Variants in SLC7A6OS observed in about 807,000 individuals in gnomAD.
SLC7A6OS encodes probable RNA polymerase II nuclear localization protein SLC7A6OS.
A neutral mutation model predicts 34.3 loss-of-function variants in SLC7A6OS; 22 were observed. The observed-to-expected ratio is 0.64, with a 90% CI of 0.46 to 0.92. The LOEUF (loss-of-function observed/expected upper bound fraction) is 0.92, where lower values mean the gene tolerates loss of function less well. SLC7A6OS is among the 40% of genes least tolerant of loss of function. SLC7A6OS has a pLI of 0.00. For missense variants in SLC7A6OS, 434 were observed against 407.7 expected (o/e 1.06, Z -0.56); for synonymous variants, 199 against 165.0 (o/e 1.21, Z -1.58).
In SLC7A6OS at chr16:68,310,717, C is replaced by T. The variant is rs758085797; in HGVS notation, c.192+18G>A. 29 of 1,594,188 alleles carry T rather than the reference C, an allele frequency of 1.8e-5. No homozygotes were observed. Among genetic ancestry groups the T allele is most frequent in the Non-Finnish European group, 2.4e-5 (28 of 1,166,566 alleles). The stretch of plus-strand genomic sequence containing the variant: ...CACCCGAAGATGCCCTCCACACCAG[C>T]TGCACCACGCCCAATACCTGGGAGC... On this transcript the variant is annotated intron_variant, in intron 1 of 4. Transcript: ENST00000263997.
At chr16:68,305,280 G>T (rs533032222) in intron 2 of SLC7A6OS, among the ~76,000 whole-genome samples, 1 of 152,254 alleles carries the variant, frequency 6.6e-6, no homozygotes, top group East Asian at 1.9e-4. Context: ...CTCTACCATT[G>T]CCCATCATTT....
intron 3 of SLC7A6OS, among the ~76,000 whole-genome samples, chr16:68,302,817 G>A (rs2043295058): frequency 1.3e-5 from 2 of 152,232 alleles, no homozygotes; most frequent in African/African-American, 4.8e-5. Context: ...CGTAAGAGGT[G>A]CGGAAAGGCA....
chr16:68,306,755 G>A (rs1218837752), intron 2 of SLC7A6OS, among the ~76,000 whole-genome samples: 1 of 152,170 alleles, frequency 6.6e-6, no homozygotes, highest in Non-Finnish European at 1.5e-5. Flanking sequence ...GCCTCCCAAA[G>A]TGCTAGGATT....
At position 68,300,164 on chromosome 16, in the gene SLC7A6OS, T is replaced by C. The variant is rs947342164; in HGVS notation, c.*1111A>G. The C allele has an allele frequency of 7.9e-5, 12 of 152,214 alleles. No individual in the cohort carries two copies. The highest frequency in any genetic ancestry group is 6.5e-4 in the Admixed American group (10 of 15,282). 9.4% of individuals were successfully genotyped at this position (152,214 alleles called of 1,614,324 possible). On this transcript the variant is annotated 3_prime_UTR_variant, in exon 5 of 5. Coordinates refer to ENST00000263997, the MANE Select transcript of SLC7A6OS (RefSeq NM_032178.3). ...ACAGCTACTAGCCACGTGTAGCTAA[T>C]TACATTAAAATGAAATAAAATTAAA...
At chr16:68,308,398 C>A (rs552612966) in intron 2 of SLC7A6OS, among the ~76,000 whole-genome samples, 3 of 150,856 alleles carry the variant, frequency 2.0e-5, no homozygotes, top group South Asian at 2.1e-4. Flanking sequence ...GAGGCCGATG[C>A]GGGTGGATCA....
chr16:68,309,423 C>G (rs2043377010), intron 2 of SLC7A6OS, among the ~76,000 whole-genome samples: 1 of 151,970 alleles, frequency 6.6e-6, no homozygotes, highest in African/African-American at 2.4e-5. Flanking sequence ...AATGCCACTG[C>G]CGCACAATCA....
rs775821973 is a variant in SLC7A6OS at position 68,310,756 on chromosome 16, C to G, written c.171G>C (p.Leu57Phe). The G allele has an allele frequency of 1.2e-6, 2 of 1,610,756 alleles. No homozygotes were observed. Among genetic ancestry groups the G allele is most frequent in the East Asian group, 2.2e-5 (1 of 44,820 alleles). ...ATACCTGGGAGCACACAGTGGCCAC[C>G]AAGTGGAAGACATTATTCTCCGCCG... ...ERAAENNVFH[L>F]VATVCSQEEP... Residue 57 changes from leucine (L) to phenylalanine (F), a missense_variant, in exon 1 of 5, where the codon TTG (leucine) becomes TTC (phenylalanine). By Grantham distance (22) the Leu-to-Phe change is conservative. Coordinates refer to ENST00000263997, the MANE Select transcript of SLC7A6OS (RefSeq NM_032178.3).
chr16:68,310,804 C>A lies in SLC7A6OS; in HGVS notation c.123G>T (p.Lys41Asn). ...CCGCTCTCTCCAAACCCTCCGACGT[C>A]TTCTGTGCCGCTGACTCGACCGCGT... Reference protein sequence around the residue: ...RSDAVESAAQKTSEGLERAAE... With the variant: ...RSDAVESAAQNTSEGLERAAE... The change falls in exon 1 of 5, where the codon AAG becomes AAT. Residue 41 changes from lysine to asparagine, a missense_variant. Transcript: ENST00000263997. 1 of 1,613,872 alleles carries A rather than the reference C, an allele frequency of 6.2e-7. No homozygotes were observed. Among genetic ancestry groups the A allele is most frequent in the South Asian group, 1.1e-5 (1 of 91,082 alleles).
chr16:68,309,661 G>A (rs1381308304), intron 2 of SLC7A6OS, among the ~76,000 whole-genome samples: 1 of 152,176 alleles, frequency 6.6e-6, no homozygotes, highest in East Asian at 1.9e-4. Flanking sequence ...TTGCATTCTA[G>A]ACCTAAATCT....
Position 68,299,092 on chromosome 16 carries a change from TG to T in SLC7A6OS, c.*2182del, listed in dbSNP as rs1366788705. 2.6e-5 allele frequency: 4 copies of T among 152,642 alleles called. No individual in the cohort carries two copies. The highest frequency in any genetic ancestry group is 2.0e-4 in the Admixed American group (3 of 15,290). 9.5% of individuals were successfully genotyped at this position (152,642 alleles called of 1,614,324 possible). ...TTCCTACTGTCATGGGTTTGGGATT[TG>T]TAACGGCAAATTCCTGCCCGACGAC... On this transcript the variant is annotated 3_prime_UTR_variant, in exon 5 of 5. Coordinates refer to ENST00000263997, the MANE Select transcript of SLC7A6OS (RefSeq NM_032178.3).
chr16:68,298,504 T>C lies in SLC7A6OS; in HGVS notation c.*2771A>G, dbSNP rs13645. The C allele has an allele frequency of 6.6e-6, 1 of 152,284 alleles. No homozygotes were observed. Among genetic ancestry groups the C allele is most frequent in the African/African-American group, 2.4e-5 (1 of 41,456 alleles). The allele number at this position is 152,284 out of a possible 1,614,324, so 9.4% of individuals were successfully genotyped here. ...CCCTGGCACCAGGCTTTGTTTACAC[T>C]TGGAGCCACCTTGGTGTGGGTCACC... On this transcript the variant is annotated 3_prime_UTR_variant, in exon 5 of 5. Transcript: ENST00000263997.
chr16:68,308,063 G>T (rs994416725), intron 2 of SLC7A6OS, among the ~76,000 whole-genome samples: 8 of 151,638 alleles, frequency 5.3e-5, no homozygotes, highest in Non-Finnish European at 1.2e-4. Context: ...CACCACGCCC[G>T]GCTAATTTTT....
chr16:68,310,092 A>G (rs1211871357), intron 2 of SLC7A6OS, among the ~76,000 whole-genome samples: 1 of 152,160 alleles, frequency 6.6e-6, no homozygotes, highest in Non-Finnish European at 1.5e-5. Flanking sequence ...AGACTTGTTT[A>G]CTGTTTCTGT....
At chr16:68,305,683 T>C (rs2043321446) in intron 2 of SLC7A6OS, among the ~76,000 whole-genome samples, 1 of 152,240 alleles carries the variant, frequency 6.6e-6, no homozygotes, top group African/African-American at 2.4e-5. Flanking sequence ...CTGCAGAACC[T>C]TGAGCAAACT....
At chr16:68,304,742 T>C (rs909029004) in intron 2 of SLC7A6OS, among the ~76,000 whole-genome samples, 1 of 152,196 alleles carries the variant, frequency 6.6e-6, no homozygotes, top group African/African-American at 2.4e-5. Flanking sequence ...TACTTTAAGA[T>C]AGAAACGTAC....
In SLC7A6OS at chr16:68,310,517, C is replaced by T. The variant is rs2043468205; in HGVS notation, c.289G>A (p.Val97Ile). 6.3e-7 allele frequency: 1 copy of T among 1,582,184 alleles called. No individual in the cohort carries two copies. Among genetic ancestry groups the T allele is most frequent in the Non-Finnish European group, 8.6e-7 (1 of 1,165,044 alleles). ...RRNLRASARE[V>I]RQEGRYRVLS... ...ACCCGGTAGCGGCCCTCCTGCCGGA[C>T]CTCCCGAGCCGAGGCGCGGAGATTA... Residue 97 changes from valine (V) to isoleucine (I), a missense_variant, in exon 2 of 5, where the codon GTC becomes ATC. Val to Ile is a conservative substitution (Grantham distance 29, BLOSUM62 3). Transcript: ENST00000263997.
chr16:68,303,192 A>G (rs2043299263), intron 3 of SLC7A6OS, among the ~76,000 whole-genome samples: 1 of 149,338 alleles, frequency 6.7e-6, no homozygotes, highest in Non-Finnish European at 1.5e-5. Flanking sequence ...TGAACCCAGG[A>G]GGCGGAGGTT....
Position 68,302,456 on chromosome 16 carries a change from C to G in SLC7A6OS, c.724G>C (p.Asp242His), listed in dbSNP as rs1324033892. Residue 242 changes from aspartate to histidine, a missense_variant, in exon 4 of 5, where the codon GAC (aspartate) becomes CAC (histidine). Coordinates refer to ENST00000263997, the MANE Select transcript of SLC7A6OS (RefSeq NM_032178.3). ...EPEDIYDDED[D>H]ENSENNWRNE... ...CGCCAGTTATTCTCACTGTTCTCGT[C>G]ATCTTCATCGTCGTAAATGTCCTCT... 1.9e-6 allele frequency: 3 copies of G among 1,614,062 alleles called. No individual in the cohort carries two copies. The African/African-American group carries it at 4.0e-5, about 22-fold the overall frequency.
chr16:68,301,064 T>A lies in SLC7A6OS; in HGVS notation c.*211A>T. ...TTCAAACTGTAGGGTCACTTTTGAT[T>A]GAGGCAAAGGGGTCCTACTGTAAGT... is the stretch of plus-strand genomic sequence containing the variant. On this transcript the variant is annotated 3_prime_UTR_variant, in exon 5 of 5. Transcript: ENST00000263997. 1 of 1,231,014 alleles carries A rather than the reference T, an allele frequency of 8.1e-7. No individual in the cohort carries two copies. Among genetic ancestry groups the A allele is most frequent in the Admixed American group, 4.2e-5 (1 of 23,976 alleles). The allele number at this position is 1,231,014 out of a possible 1,614,324, so 76.3% of individuals were successfully genotyped here.
Sources: gnomAD v4.1 joint callset for allele counts (sites outside exome capture counted in the v4.1 genomes callset) on GRCh38, gnomAD v4.1.1 for gene constraint, MANE v1.5 for transcripts, NCBI Gene and HGNC (gene_info 2026-07-23, HGNC 2026-07-21) for gene names.